Variants in SUSD4 observed in about 807,000 individuals in gnomAD.
SUSD4 encodes the protein sushi domain-containing protein 4.
Under a neutral mutation model 50.5 loss-of-function variants are expected in SUSD4, and 41 were observed. That is an observed-to-expected ratio of 0.81 (90% confidence interval 0.63 to 1.05). The LOEUF is 1.05. Ranked by LOEUF, SUSD4 falls within the 50% of genes least tolerant of loss-of-function variation. SUSD4 has a pLI of 0.00. For synonymous variants in SUSD4, 257 were observed against 257.3 expected, an observed-to-expected ratio of 1.00 and a Z score of 0.01; for missense variants, 580 against 634.7, an observed-to-expected ratio of 0.91 and a Z score of 0.93.
Position 223,270,675 on chromosome 1 carries a change from T to G in SUSD4, c.362-2000A>C, listed in dbSNP as rs113832237. ...ACCTCCACCTCGCAGGTCCAAGAAA[T>G]TATTCTGCCTCAGCCTCCCGAGCAG... On this transcript the variant is annotated intron_variant, in intron 3 of 8. Coordinates refer to ENST00000366878, the MANE Select transcript of SUSD4 (RefSeq NM_017982.4). 3.1e-3 allele frequency among the ~76,000 whole-genome samples: 473 copies of G among 152,184 alleles called. 2 individuals are homozygous for G. Among genetic ancestry groups the G allele is most frequent in the African/African-American group, 0.011 (462 of 41,514 alleles).
intron 2 of SUSD4, among the ~76,000 whole-genome samples, chr1:223,334,878 C>T (rs917257703): frequency 1.3e-5 from 2 of 152,072 alleles, no homozygotes; most frequent in African/African-American, 4.8e-5. Context: ...AAAGTCCTAC[C>T]CTTTCCCCCT....
intron 4 of SUSD4, among the ~76,000 whole-genome samples, chr1:223,267,324 T>C (rs570967916): frequency 6.6e-6 from 1 of 152,284 alleles, no homozygotes; most frequent in South Asian, 2.1e-4. Flanking sequence ...CAAAAGGTTA[T>C]GTGGAAAACA....
chr1:223,312,543 G>C (rs1184170660), intron 2 of SUSD4, among the ~76,000 whole-genome samples: 1 of 152,124 alleles, frequency 6.6e-6, no homozygotes, highest in Non-Finnish European at 1.5e-5. Flanking sequence ...TCTAAAAACA[G>C]AGGAATTTGG....
In SUSD4 at chr1:223,264,751, C is replaced by A. The variant is rs901470677; in HGVS notation, c.603G>T (p.Pro201=). The A allele has an allele frequency of 6.2e-7, 1 of 1,614,012 alleles. No individual in the cohort carries two copies. The highest frequency in any genetic ancestry group is 8.5e-7 in the Non-Finnish European group (1 of 1,180,024). ...AGCGATAGGAGATCACAGTCCCCAC[C>A]GGGAAGGAGGTCTGGAGCTCAGAGA... The part of the protein sequence containing the change: ...VNISELQTSF[P]VGTVISYRCF... The change falls in exon 5 of 9, where the codon CCG becomes CCT. Residue 201 remains proline, a synonymous_variant. Coordinates refer to ENST00000366878, the MANE Select transcript of SUSD4 (RefSeq NM_017982.4).
At chr1:223,340,377 GC>G (rs1402921975) in intron 2 of SUSD4, among the ~76,000 whole-genome samples, 1 of 152,200 alleles carries the variant, frequency 6.6e-6, no homozygotes, top group Non-Finnish European at 1.5e-5. Context: ...ACAAAAAGAT[GC>G]CCTGACCCAG....
intron 2 of SUSD4, among the ~76,000 whole-genome samples, chr1:223,350,538 A>G (rs989152193): frequency 1.3e-5 from 2 of 152,224 alleles, no homozygotes; most frequent in African/African-American, 4.8e-5. Flanking sequence ...CCTGCCCATC[A>G]CTGCAGCTGT....
At chr1:223,351,806 T>C (rs1453568765) in intron 2 of SUSD4, among the ~76,000 whole-genome samples, 1 of 152,064 alleles carries the variant, frequency 6.6e-6, no homozygotes, top group Non-Finnish European at 1.5e-5. Flanking sequence ...TGTATCTTAA[T>C]CCAGTAATGG....
intron 2 of SUSD4, among the ~76,000 whole-genome samples, chr1:223,350,020 C>T (rs1197126552): frequency 6.6e-6 from 1 of 152,174 alleles, no homozygotes; most frequent in Non-Finnish European, 1.5e-5. Flanking sequence ...ACCCCTGCAC[C>T]CACACCAAGG....
chr1:223,343,562 A>C (rs1356671895), intron 2 of SUSD4, among the ~76,000 whole-genome samples: 2 of 152,232 alleles, frequency 1.3e-5, no homozygotes, highest in East Asian at 3.8e-4. Context: ...TATATTGTTA[A>C]GTAATACAAG....
chr1:223,278,735 G>C (rs1663463074), intron 3 of SUSD4, among the ~76,000 whole-genome samples: 2 of 152,186 alleles, frequency 1.3e-5, no homozygotes, highest in East Asian at 3.9e-4. Context: ...TCCCAGCACG[G>C]AGTTTGAGAT....
intron 2 of SUSD4, among the ~76,000 whole-genome samples, chr1:223,347,972 T>TC (rs1295577233): frequency 2.0e-5 from 3 of 152,088 alleles, no homozygotes; most frequent in Non-Finnish European, 4.4e-5. Flanking sequence ...TTCTGGGCCT[T>TC]CATTTCCTCA....
Position 223,354,133 on chromosome 1 carries a change from G to A in SUSD4, c.148+9145C>T, listed in dbSNP as rs1365419830. On this transcript the variant is annotated intron_variant, in intron 2 of 8. Coordinates refer to ENST00000366878, the MANE Select transcript of SUSD4 (RefSeq NM_017982.4). ...TGGATTCTCCACCCCCTCATCATAG[G>A]CTTCCTCCCTTCTGGCTCTGTCAAC... Among the ~76,000 whole-genome samples, 3 of 152,184 alleles carry A rather than the reference G, an allele frequency of 2.0e-5. No individual in the cohort carries two copies. In the East Asian group the frequency reaches 5.8e-4, roughly 29 times the overall value.
intron 5 of SUSD4, among the ~76,000 whole-genome samples, chr1:223,254,387 A>C (rs981864493): frequency 6.6e-6 from 1 of 152,140 alleles, no homozygotes; most frequent in South Asian, 2.1e-4. Flanking sequence ...TTAAAAAAAA[A>C]GAGACAGATA....
chr1:223,252,125 G>A (rs890659682), intron 5 of SUSD4, among the ~76,000 whole-genome samples: 8 of 148,398 alleles, frequency 5.4e-5, no homozygotes, highest in Admixed American at 2.0e-4. Flanking sequence ...TGTAAACGAC[G>A]AGTTAATGGG....
At position 223,229,536 on chromosome 1, in the gene SUSD4, T is replaced by TC; in HGVS notation, c.725-149dup. 1.4e-6 allele frequency: 1 copy of TC among 702,022 alleles called. No individual in the cohort carries two copies. Among genetic ancestry groups the TC allele is most frequent in the Middle Eastern group, 4.2e-4 (1 of 2,382 alleles). 43.5% of individuals were successfully genotyped at this position (702,022 alleles called of 1,614,324 possible). On this transcript the variant is annotated intron_variant, in intron 5 of 8. Coordinates refer to ENST00000366878, the MANE Select transcript of SUSD4 (RefSeq NM_017982.4). The surrounding 1 kb of genome is among the most constrained non-coding windows in gnomAD (Gnocchi z 4.7). ...CTACTGAGTTGCATTAGAGATGGTC[T>TC]CTTTTTTAGTATTTCATGGAAGGCG... is the stretch of plus-strand genomic sequence containing the variant.
chr1:223,251,070 G>A (rs1206914328), intron 5 of SUSD4, among the ~76,000 whole-genome samples: 1 of 152,198 alleles, frequency 6.6e-6, no homozygotes, highest in Non-Finnish European at 1.5e-5. Flanking sequence ...AACTGCAGAT[G>A]TAATTAAATT....
intron 5 of SUSD4, among the ~76,000 whole-genome samples, chr1:223,255,788 G>A (rs951904822): frequency 2.0e-5 from 3 of 152,148 alleles, no homozygotes; most frequent in Admixed American, 1.3e-4. Flanking sequence ...TTCCTTTTCT[G>A]CCGATTAAAT....
intron 4 of SUSD4, among the ~76,000 whole-genome samples, chr1:223,268,028 TATATATATATATATACAC>T (rs1233087887): frequency 1.2e-5 from 1 of 86,828 alleles, no homozygotes; most frequent in African/African-American, 3.7e-5. Context: ...TATATATATA[TATATATATATATATACAC>T]ACACACTGTT....
chr1:223,275,137 G>A (rs1198636022), intron 3 of SUSD4, among the ~76,000 whole-genome samples: 1 of 152,248 alleles, frequency 6.6e-6, no homozygotes, highest in Non-Finnish European at 1.5e-5. Flanking sequence ...GGCCTGGCAA[G>A]TAGAGAGTGC....
Sources: allele counts gnomAD v4.1 joint callset (sites outside exome capture counted in the v4.1 genomes callset), GRCh38; gene constraint gnomAD v4.1.1; non-coding constraint Gnocchi (gnomAD v3.1); transcripts MANE v1.5; gene names NCBI Gene and HGNC (gene_info 2026-07-23, HGNC 2026-07-21).